The following ZNF329 variants were observed in gnomAD, a reference collection of about 807,000 sequenced individuals.
ZNF329 encodes zinc finger protein 329.
ZNF329 carries 15 observed loss-of-function variants against 26.6 expected under a neutral mutation model. That is an observed-to-expected ratio of 0.56 (90% CI 0.38 to 0.87). The LOEUF (loss-of-function observed/expected upper bound fraction) is 0.87, where lower values mean the gene tolerates loss of function less well. Among genes scored for constraint, ZNF329 ranks in the 40% least tolerant of loss-of-function variants. The probability of loss-of-function intolerance (pLI) is 0.00; values close to 1 mark genes in which losing one functional copy is unlikely to be tolerated. For synonymous variants in ZNF329, 239 were observed against 233.5 expected, an observed-to-expected ratio of 1.02 and a Z score of -0.21; for missense variants, 651 against 651.9, an observed-to-expected ratio of 1.00 and a Z score of 0.02.
chr19:58,127,092 C>T lies in ZNF329; in HGVS notation c.*786G>A, dbSNP rs1301911232. 6.6e-6 allele frequency: 1 copy of T among 152,240 alleles called. No individual in the cohort carries two copies. Among genetic ancestry groups the T allele is most frequent in the African/African-American group, 2.4e-5 (1 of 41,454 alleles). The allele number at this position is 152,240 out of a possible 1,614,324, so 9.4% of individuals were successfully genotyped here. A position where few individuals can be genotyped will look rare whatever the true frequency, so the allele number is the denominator to read the frequency against. ...CATACATTCAAACAGGAAAATCTCA[C>T]ACATTCTGTGGTGTGTGCAGTACAG... On this transcript the variant is annotated 3_prime_UTR_variant, in exon 4 of 4. Coordinates refer to ENST00000598312, the MANE Select transcript of ZNF329 (RefSeq NM_024620.4).
Position 58,128,950 on chromosome 19 carries a change from G to A in ZNF329, c.554C>T (p.Thr185Ile). The A allele has an allele frequency of 6.2e-7, 1 of 1,613,800 alleles. No homozygotes were observed. Among genetic ancestry groups the A allele is most frequent in the Non-Finnish European group, 8.5e-7 (1 of 1,179,896 alleles). ...GTTTTCATTAAGCGATGAGCTCAGA[G>A]TAAAGATGTTCTCAAAATTCTTACC... Reference protein sequence around the residue: ...YEGKNFENIFTLSSSLNENQR... With the variant: ...YEGKNFENIFILSSSLNENQR... The change falls in exon 4 of 4, where the codon ACT (threonine) becomes ATT (isoleucine). Residue 185 changes from threonine (T) to isoleucine (I), a missense_variant. Physicochemically the swap from Thr to Ile is moderately conservative, Grantham distance 89. Transcript: ENST00000598312.
Position 58,128,071 on chromosome 19 carries a change from G to A in ZNF329, c.1433C>T (p.Thr478Ile). 3 of 1,611,648 alleles carry A rather than the reference G, an allele frequency of 1.9e-6. No individual in the cohort carries two copies. The highest frequency in any genetic ancestry group is 2.5e-6 in the Non-Finnish European group (3 of 1,178,910). ...TGGACACTGATATGGGGTCTCCTTA[G>A]TGTGAATTCTCTGGTGCTTGGTCAG... ...SCLTKHQRIH[T>I]KETPYQCPEC... The change falls in exon 4 of 4, where the codon ACT (threonine) becomes ATT (isoleucine). Residue 478 changes from threonine (T) to isoleucine (I), a missense_variant. Physicochemically the swap from Thr to Ile is moderately conservative, Grantham distance 89 (BLOSUM62 -1). Coordinates refer to ENST00000598312, the MANE Select transcript of ZNF329 (RefSeq NM_024620.4).
At chr19:58,145,314 CTTTTTTTTTT>C (rs71188087) in intron 1 of ZNF329, among the ~76,000 whole-genome samples, 62 of 106,156 alleles carry the variant, frequency 5.8e-4, no homozygotes, top group Admixed American at 2.8e-3. Context: ...TTTTTTCTTC[CTTTTTTTTTT>C]TTTTTTTTTT....
chr19:58,152,884 G>A (rs1188496171), upstream of ZNF329, among the ~76,000 whole-genome samples: 1 of 151,972 alleles, frequency 6.6e-6, no homozygotes, highest in Non-Finnish European at 1.5e-5. Context: ...CCCTTTATTA[G>A]ATACTAAAAT....
intron 3 of ZNF329, 104 bp from the exon 4 acceptor site, chr19:58,129,615 TG>T (rs1275540772): frequency 1.9e-5 from 20 of 1,058,070 alleles, no homozygotes; most frequent in Non-Finnish European, 2.7e-5. Context: ...TTTTTTTACT[TG>T]TTTTCTCTTT....
intron 1 of ZNF329, among the ~76,000 whole-genome samples, chr19:58,146,614 G>A (rs866472899): frequency 7.3e-5 from 11 of 151,392 alleles, no homozygotes; most frequent in South Asian, 2.1e-4. Flanking sequence ...GAAGCTGGAC[G>A]GTACTGCTGC....
upstream of ZNF329, among the ~76,000 whole-genome samples, chr19:58,153,578 A>G (rs535937288): frequency 6.6e-6 from 1 of 152,306 alleles, no homozygotes; most frequent in African/African-American, 2.4e-5. Flanking sequence ...CATTCCAATA[A>G]AACTTTACAG....
In ZNF329 at chr19:58,147,365, G is replaced by C. The variant is rs1414736659; in HGVS notation, c.-208+3387C>G. On this transcript the variant is annotated intron_variant, in intron 1 of 3. Coordinates refer to ENST00000598312, the MANE Select transcript of ZNF329 (RefSeq NM_024620.4). ...AGCCCCTCCGCCCGGCAGCCACCCCGTCTGGGAAGTGAGGAGCGTCTCCGC... is the reference window on the plus strand; with the variant it reads ...AGCCCCTCCGCCCGGCAGCCACCCCCTCTGGGAAGTGAGGAGCGTCTCCGC... 2.7e-4 allele frequency among the ~76,000 whole-genome samples: 41 copies of C among 150,036 alleles called. No homozygotes were observed. The East Asian group carries it at 2.8e-3, about 10-fold the overall frequency.
rs1194763686 is a variant in ZNF329, at chr19:58,129,433, A to T, written c.71T>A (p.Phe24Tyr). 6.2e-7 allele frequency: 1 copy of T among 1,614,162 alleles called. No individual in the cohort carries two copies. Among genetic ancestry groups the T allele is most frequent in the East Asian group, 2.2e-5 (1 of 44,882 alleles). ...GGACAAGCAGGGAACTTCCCTTGTG[A>T]ATCTTTCCACTTCTACATCACAGGG... ...EVPCDVEVER[F>Y]TREVPCLSSL... The change falls in exon 4 of 4, where the codon TTC (phenylalanine) becomes TAC (tyrosine). Residue 24 changes from phenylalanine (F) to tyrosine (Y), a missense_variant. Transcript: ENST00000598312.
intron 3 of ZNF329, among the ~76,000 whole-genome samples, chr19:58,135,036 T>C (rs568418395): frequency 2.0e-5 from 3 of 152,330 alleles, no homozygotes; most frequent in Admixed American, 1.3e-4. Context: ...TGGGAAATTT[T>C]ATTTATCTGT....
intron 3 of ZNF329, chr19:58,132,791 C>G (rs1412683400): frequency 6.8e-6 from 1 of 147,116 alleles, no homozygotes; most frequent in African/African-American, 2.5e-5. Context: ...CAATCCATAC[C>G]TACGTAGATA....
At chr19:58,132,590 G>A (rs1568661919) in intron 3 of ZNF329, 1 of 148,754 alleles carries the variant, frequency 6.7e-6, no homozygotes, top group African/African-American at 2.5e-5. Context: ...TGAGGTAGGA[G>A]AATCGCTTGA....
At chr19:58,132,505 C>G (rs2074969596) in intron 3 of ZNF329, 1 of 152,090 alleles carries the variant, frequency 6.6e-6, no homozygotes, top group African/African-American at 2.4e-5. Flanking sequence ...GCCTGGGCAA[C>G]TATGTCTCTA....
intron 1 of ZNF329, among the ~76,000 whole-genome samples, chr19:58,144,829 C>T (rs889087571): frequency 6.8e-6 from 1 of 147,448 alleles, no homozygotes; most frequent in East Asian, 2.0e-4. Flanking sequence ...AGTATGCCAT[C>T]ACACCTGGAT....
intron 1 of ZNF329, among the ~76,000 whole-genome samples, chr19:58,148,462 C>T (rs1050606377): frequency 5.8e-5 from 8 of 138,224 alleles, no homozygotes; most frequent in African/African-American, 2.2e-4. Flanking sequence ...TTCAGATTGG[C>T]AGGAAAAAAA....
At chr19:58,144,396 A>ATT (rs367570171) in intron 1 of ZNF329, among the ~76,000 whole-genome samples, 6,853 of 127,524 alleles carry the variant, frequency 0.054, 270 homozygotes, top group Non-Finnish European at 0.076. Context: ...ATATATATAT[A>ATT]TTTTTTTTTT....
chr19:58,130,032 T>C (rs2074901905), intron 3 of ZNF329, among the ~76,000 whole-genome samples: 1 of 152,174 alleles, frequency 6.6e-6, no homozygotes, highest in Non-Finnish European at 1.5e-5. Context: ...GAACTGTCAA[T>C]GACCTGGCGG....
upstream of ZNF329, among the ~76,000 whole-genome samples, chr19:58,154,377 C>T (rs1223610182): frequency 6.6e-6 from 1 of 152,186 alleles, no homozygotes; most frequent in Non-Finnish European, 1.5e-5. Context: ...CTGACCTATG[C>T]CACACAGCAC....
chr19:58,132,344 A>C (rs2074966196), intron 3 of ZNF329: 1 of 152,164 alleles, frequency 6.6e-6, no homozygotes, highest in Non-Finnish European at 1.5e-5. Flanking sequence ...ACCTGAGCTC[A>C]GGAGTTCGAG....
Sources: gnomAD v4.1 joint callset for allele counts (sites outside exome capture counted in the v4.1 genomes callset) on GRCh38, gnomAD v4.1.1 for gene constraint, MANE v1.5 for transcripts, NCBI Gene and HGNC (gene_info 2026-07-23, HGNC 2026-07-21) for gene names.